SCLT1: variants seen among roughly 807,000 people sequenced by gnomAD.
SCLT1 encodes the protein sodium channel and clathrin linker 1, also known as sodium channel-associated protein 1.
A neutral mutation model predicts 112.8 loss-of-function variants in SCLT1; 78 were observed. That is an observed-to-expected ratio of 0.69 (90% confidence interval 0.58 to 0.83). The LOEUF (loss-of-function observed/expected upper bound fraction) is 0.83, where lower values mean the gene tolerates loss of function less well. Ranked by LOEUF, SCLT1 falls within the 40% of genes least tolerant of loss-of-function variation. The pLI is 0.00. For synonymous variants in SCLT1, 257 were observed against 254.7 expected (o/e 1.01, Z -0.09); for missense variants, 747 against 770.4 (o/e 0.97, Z 0.36).
At chr4:129,054,765 C>G (rs1309511434) in intron 2 of SCLT1, among the ~76,000 whole-genome samples, 1 of 152,100 alleles carries the variant, frequency 6.6e-6, no homozygotes, top group African/African-American at 2.4e-5. Flanking sequence ...TTGTCAGATT[C>G]ATACTCTGTC....
At chr4:128,893,598 A>G (rs915462757) in intron 18 of SCLT1, among the ~76,000 whole-genome samples, 4 of 152,144 alleles carry the variant, frequency 2.6e-5, no homozygotes, top group Non-Finnish European at 5.9e-5. Flanking sequence ...GCTGGAGTGC[A>G]GTGGTGCCAT....
At chr4:129,009,168 G>A (rs895646313) in intron 5 of SCLT1, among the ~76,000 whole-genome samples, 1 of 152,178 alleles carries the variant, frequency 6.6e-6, no homozygotes, top group Middle Eastern at 3.4e-3. Context: ...CTATTACTTC[G>A]TTATATATCC....
At chr4:129,085,602 T>C (rs954660951) in intron 1 of SCLT1, among the ~76,000 whole-genome samples, 1 of 152,050 alleles carries the variant, frequency 6.6e-6, no homozygotes, top group Non-Finnish European at 1.5e-5. Flanking sequence ...AGTAAAGACA[T>C]GAAATCAACC....
intron 11 of SCLT1, among the ~76,000 whole-genome samples, chr4:128,962,272 A>C (rs1262244690): frequency 6.6e-6 from 1 of 152,226 alleles, no homozygotes; most frequent in Non-Finnish European, 1.5e-5. Context: ...GTAATTGATC[A>C]AGATGCTTAC....
intron 2 of SCLT1, among the ~76,000 whole-genome samples, chr4:129,076,683 T>C (rs1410327039): frequency 1.4e-5 from 2 of 139,460 alleles, no homozygotes; most frequent in Non-Finnish European, 3.3e-5. Context: ...AAAGCAAGTA[T>C]TCAAGAAAAA....
intron 5 of SCLT1, among the ~76,000 whole-genome samples, chr4:129,031,159 T>C (rs1222184618): frequency 1.3e-5 from 2 of 152,102 alleles, no homozygotes; most frequent in Non-Finnish European, 2.9e-5. Context: ...TGGTTCAACG[T>C]ATGCAAATCA....
At position 129,093,264 on chromosome 4, in the gene SCLT1, C is replaced by T. The variant is rs1204163249; in HGVS notation, c.-161G>A. 3 of 653,402 alleles carry T rather than the reference C, an allele frequency of 4.6e-6. No individual in the cohort carries two copies. The East Asian group carries it at 8.0e-5, about 18-fold the overall frequency. The allele number at this position is 653,402 out of a possible 1,614,324, so 40.5% of individuals were successfully genotyped here. ...TACTCACGCGGCATCTACAGCCCCG[C>T]CACGCTTCTTTCCCCCGCGCCCCAG... On this transcript the variant is annotated 5_prime_UTR_variant, in exon 1 of 21. Coordinates refer to ENST00000281142, the MANE Select transcript of SCLT1 (RefSeq NM_144643.4).
At chr4:128,913,645 G>A (rs1381040996) in intron 18 of SCLT1, among the ~76,000 whole-genome samples, 2 of 152,100 alleles carry the variant, frequency 1.3e-5, no homozygotes, top group African/African-American at 4.8e-5. Flanking sequence ...ACAGGGCTGT[G>A]GTTGGCCAAG....
At chr4:128,928,741 A>C (rs953953070) in intron 18 of SCLT1, among the ~76,000 whole-genome samples, 10 of 152,208 alleles carry the variant, frequency 6.6e-5, no homozygotes, top group African/African-American at 2.4e-4. Flanking sequence ...CTGAGGCAGG[A>C]GAATCACTTG....
intron 5 of SCLT1, among the ~76,000 whole-genome samples, chr4:129,020,208 T>TGA (rs1213458361): frequency 6.6e-6 from 1 of 152,222 alleles, no homozygotes; most frequent in Non-Finnish European, 1.5e-5. Flanking sequence ...TTCTTCTGAC[T>TGA]GAGCTCAAAT....
At chr4:128,951,157 A>G (rs1475060274) in intron 14 of SCLT1, among the ~76,000 whole-genome samples, 2 of 152,134 alleles carry the variant, frequency 1.3e-5, no homozygotes, top group Non-Finnish European at 2.9e-5. Context: ...ATTAGTCTAG[A>G]TAGTAAAATT....
At chr4:129,090,037 C>A (rs1412772010) in intron 1 of SCLT1, among the ~76,000 whole-genome samples, 1 of 152,094 alleles carries the variant, frequency 6.6e-6, no homozygotes, top group Non-Finnish European at 1.5e-5. Context: ...GTTATTTCTA[C>A]ATACTAGCAA....
At chr4:129,058,650 G>T (rs1749672984) in intron 2 of SCLT1, among the ~76,000 whole-genome samples, 2 of 152,100 alleles carry the variant, frequency 1.3e-5, no homozygotes, top group African/African-American at 4.8e-5. Flanking sequence ...CATGGAGAAT[G>T]TTCCATGTGT....
At chr4:129,069,270 T>C (rs994763873) in intron 2 of SCLT1, among the ~76,000 whole-genome samples, 2 of 152,194 alleles carry the variant, frequency 1.3e-5, no homozygotes, top group African/African-American at 4.8e-5. Flanking sequence ...CTCTTTTAGT[T>C]CCATATGAAT....
chr4:129,053,939 G>A (rs1032254418), intron 2 of SCLT1, among the ~76,000 whole-genome samples: 5 of 152,014 alleles, frequency 3.3e-5, no homozygotes, highest in African/African-American at 9.7e-5. Flanking sequence ...GTTCTTCTAA[G>A]GCAGGCCTGG....
intron 7 of SCLT1, among the ~76,000 whole-genome samples, chr4:128,999,058 AGTTCTT>A (rs1743239857): frequency 6.6e-6 from 1 of 151,976 alleles, no homozygotes; most frequent in Non-Finnish European, 1.5e-5. Flanking sequence ...TGAGATAATG[AGTTCTT>A]GTCAATAGAC....
At chr4:128,895,978 C>G (rs543353710) in intron 18 of SCLT1, among the ~76,000 whole-genome samples, 1 of 152,174 alleles carries the variant, frequency 6.6e-6, no homozygotes, top group Non-Finnish European at 1.5e-5. Context: ...AAGGCGGCAG[C>G]GAGGCTGGGG....
At chr4:129,019,534 T>C (rs1201861254) in intron 5 of SCLT1, among the ~76,000 whole-genome samples, 2 of 152,146 alleles carry the variant, frequency 1.3e-5, no homozygotes, top group Non-Finnish European at 2.9e-5. Context: ...CAGACAAATA[T>C]AGTGGCATAT....
At chr4:129,047,582 A>G (rs1173114188) in intron 2 of SCLT1, among the ~76,000 whole-genome samples, 1 of 152,068 alleles carries the variant, frequency 6.6e-6, no homozygotes, top group African/African-American at 2.4e-5. Context: ...CACAGTGGCT[A>G]AACTAATGTA....
Sources: gnomAD v4.1 joint callset for allele counts (sites outside exome capture counted in the v4.1 genomes callset) on GRCh38, gnomAD v4.1.1 for gene constraint, MANE v1.5 for transcripts, NCBI Gene and HGNC (gene_info 2026-07-23, HGNC 2026-07-21) for gene names.